The following IGF2BP2 variants were observed in gnomAD, a reference collection of about 807,000 sequenced individuals.
IGF2BP2 encodes insulin-like growth factor 2 mRNA-binding protein 2.
Under a neutral mutation model 75.8 loss-of-function variants are expected in IGF2BP2, and 17 were observed. That is an observed-to-expected ratio of 0.22 (90% CI 0.15 to 0.34). The LOEUF is 0.34. Among genes scored for constraint, IGF2BP2 ranks in the 10% least tolerant of loss-of-function variants. The pLI is 1.00. For synonymous variants in IGF2BP2, 288 were observed against 295.6 expected (o/e 0.97, Z 0.26); for missense variants, 516 against 772.4 (o/e 0.67, Z 3.93).
At chr3:185,742,910 C>G (rs1222997000) in intron 2 of IGF2BP2, among the ~76,000 whole-genome samples, 1 of 152,036 alleles carries the variant, frequency 6.6e-6, no homozygotes, top group African/African-American at 2.4e-5. Flanking sequence ...ACCAGCCTGG[C>G]CAATATGGTG....
At chr3:185,674,575 G>GT (rs1434208749) in intron 9 of IGF2BP2, among the ~76,000 whole-genome samples, 1 of 152,130 alleles carries the variant, frequency 6.6e-6, no homozygotes, top group Non-Finnish European at 1.5e-5. Context: ...GGCTCAACTG[G>GT]TTGACAACAT....
chr3:185,758,329 CA>C (rs1209489878), intron 2 of IGF2BP2, among the ~76,000 whole-genome samples: 1 of 152,148 alleles, frequency 6.6e-6, no homozygotes, highest in East Asian at 1.9e-4. Flanking sequence ...CAAGAAGAGA[CA>C]ACACCCAAGA....
chr3:185,651,944 G>A, intron 13 of IGF2BP2, 150 bp downstream of exon 13: 1 of 546,150 alleles, frequency 1.8e-6, no homozygotes, highest in Non-Finnish European at 3.2e-6. Flanking sequence ...CAGAAGAACA[G>A]CCAGGGATGA....
intron 2 of IGF2BP2, among the ~76,000 whole-genome samples, chr3:185,732,475 T>C (rs1284680720): frequency 6.6e-6 from 1 of 152,192 alleles, no homozygotes; most frequent in Non-Finnish European, 1.5e-5. Context: ...AGTCTTGATA[T>C]AGTTAAGACT....
intron 2 of IGF2BP2, among the ~76,000 whole-genome samples, chr3:185,742,032 T>C (rs1439390119): frequency 6.6e-6 from 1 of 152,182 alleles, no homozygotes; most frequent in South Asian, 2.1e-4. Flanking sequence ...TTTCCATTAG[T>C]TTTCCATAGC....
intron 13 of IGF2BP2, among the ~76,000 whole-genome samples, chr3:185,651,347 T>C (rs1478431507): frequency 6.6e-6 from 1 of 152,268 alleles, no homozygotes; most frequent in South Asian, 2.1e-4. Context: ...TGTCCAATAC[T>C]GAGTTGAAGG....
intron 12 of IGF2BP2, among the ~76,000 whole-genome samples, chr3:185,652,555 C>T (rs1434420231): frequency 6.6e-6 from 1 of 152,168 alleles, no homozygotes; most frequent in African/African-American, 2.4e-5. Context: ...GAAGGAAGGG[C>T]AGGTCCACCA....
chr3:185,693,575 G>A (rs1425259500), intron 4 of IGF2BP2, among the ~76,000 whole-genome samples: 1 of 152,136 alleles, frequency 6.6e-6, no homozygotes, highest in Non-Finnish European at 1.5e-5. Context: ...GCTAATAAGG[G>A]ATTACTCTTG....
At chr3:185,726,569 A>G (rs1002122301) in intron 2 of IGF2BP2, among the ~76,000 whole-genome samples, 4 of 152,232 alleles carry the variant, frequency 2.6e-5, no homozygotes, top group Non-Finnish European at 5.9e-5. Flanking sequence ...GTTCTCTGCC[A>G]TTGTAATAGA....
At chr3:185,689,967 C>CAAAAAA (rs5855070) in intron 5 of IGF2BP2, among the ~76,000 whole-genome samples, 7 of 118,218 alleles carry the variant, frequency 5.9e-5, no homozygotes, top group African/African-American at 2.3e-4. Flanking sequence ...GACTCCGTCT[C>CAAAAAA]AAAAAAAAAA....
chr3:185,676,546 C>T (rs1719382701), intron 7 of IGF2BP2, among the ~76,000 whole-genome samples: 1 of 151,916 alleles, frequency 6.6e-6, no homozygotes, highest in Admixed American at 6.6e-5. Flanking sequence ...CATAGTGGTG[C>T]ATACCTGTAG....
intron 2 of IGF2BP2, among the ~76,000 whole-genome samples, chr3:185,793,964 T>C (rs959132733): frequency 1.3e-5 from 2 of 150,570 alleles, no homozygotes; most frequent in South Asian, 4.3e-4. Flanking sequence ...TTCCTTTTTT[T>C]TTTTTTTTTT....
chr3:185,783,637 T>C (rs537677519), intron 2 of IGF2BP2, among the ~76,000 whole-genome samples: 1 of 152,292 alleles, frequency 6.6e-6, no homozygotes. Context: ...GCCGAAGTGG[T>C]TAATACCTAT....
intron 2 of IGF2BP2, among the ~76,000 whole-genome samples, chr3:185,758,860 C>G (rs948024169): frequency 7.9e-5 from 12 of 152,214 alleles, no homozygotes; most frequent in African/African-American, 2.9e-4. Context: ...TTCAGCAATT[C>G]AAACTGCTTG....
intron 13 of IGF2BP2, 110 bp from the exon 14 acceptor site, chr3:185,649,644 A>G (rs1452173091): frequency 7.0e-7 from 1 of 1,431,198 alleles, no homozygotes; most frequent in Non-Finnish European, 9.5e-7. Flanking sequence ...TCCCATTCCC[A>G]CACTCCCTGG....
chr3:185,657,374 A>C lies in IGF2BP2; in HGVS notation c.1298T>G (p.Phe433Cys). The C allele has an allele frequency of 6.2e-7, 1 of 1,613,816 alleles. No individual in the cohort carries two copies. The highest frequency in any genetic ancestry group is 8.5e-7 in the Non-Finnish European group (1 of 1,179,810). ...SYPEQEIVNLFIPTQAVGAII... is the reference protein window; with the variant it reads ...SYPEQEIVNLCIPTQAVGAII... Reference sequence around the variant, plus strand: ...GGCGCCCACAGCCTGGGTTGGGATGAAGAGATTCACAATCTCCTGCTCTGG... The same window carrying C: ...GGCGCCCACAGCCTGGGTTGGGATGCAGAGATTCACAATCTCCTGCTCTGG... The change falls in exon 12 of 16, where the codon TTC becomes TGC. Residue 433 changes from phenylalanine (F) to cysteine (C), a missense_variant. Physicochemically the swap from Phe to Cys is radical, Grantham distance 205 (BLOSUM62 -2). Around this residue, in one of 3 missense-constraint regions of IGF2BP2, gnomAD observed 129 missense variants for 230.5 expected, o/e 0.56. Transcript: ENST00000382199.
At position 185,809,926 on chromosome 3, in the gene IGF2BP2, A is replaced by C. The variant is rs545045697; in HGVS notation, c.239+13227T>G. Reference sequence around the variant, plus strand: ...CAAGACCCAGCTCTCATGGAACTTCAAATTTTTTAAATTCAAAAGACCAGT... The same window carrying C: ...CAAGACCCAGCTCTCATGGAACTTCCAATTTTTTAAATTCAAAAGACCAGT... On this transcript the variant is annotated intron_variant, in intron 2 of 15. Transcript: ENST00000382199. 5.5e-4 allele frequency among the ~76,000 whole-genome samples: 84 copies of C among 152,324 alleles called. 1 individual carries two copies. Among genetic ancestry groups the C allele is most frequent in the South Asian group, 3.1e-3 (15 of 4,824 alleles).
intron 2 of IGF2BP2, among the ~76,000 whole-genome samples, chr3:185,778,355 C>T (rs1159891719): frequency 1.3e-5 from 2 of 152,138 alleles, no homozygotes; most frequent in South Asian, 4.1e-4. Flanking sequence ...CTGGAGTACT[C>T]AGAGAAAAGC....
At chr3:185,717,844 G>C (rs1439899726) in intron 2 of IGF2BP2, 1 of 152,276 alleles carries the variant, frequency 6.6e-6, no homozygotes, top group East Asian at 1.9e-4. Flanking sequence ...AGGTACCACT[G>C]AGAGTTTATA....
Sources: allele counts gnomAD v4.1 joint callset (sites outside exome capture counted in the v4.1 genomes callset), GRCh38; gene constraint gnomAD v4.1.1; regional missense constraint gnomAD v4.1.1; transcripts MANE v1.5; gene names NCBI Gene and HGNC (gene_info 2026-07-23, HGNC 2026-07-21).